Variants in GPT2 observed in about 807,000 individuals in gnomAD.
GPT2 encodes glutamic--pyruvic transaminase 2, also known as alanine aminotransferase 2.
In GPT2, 30 loss-of-function variants were observed where a neutral mutation model predicts 56.9. The observed-to-expected ratio is 0.53, with a 90% CI of 0.39 to 0.72. The LOEUF (loss-of-function observed/expected upper bound fraction) is 0.72, where lower values mean the gene tolerates loss of function less well. Among genes scored for constraint, GPT2 ranks in the 30% least tolerant of loss-of-function variants. GPT2 has a pLI of 0.00. For missense variants in GPT2, 542 were observed against 703.4 expected (o/e 0.77, Z 2.60); for synonymous variants, 271 against 283.1 (o/e 0.96, Z 0.43).
rs1328323264 is a variant in GPT2 at position 46,909,701 on chromosome 16, C to T, written c.594C>T (p.Leu198=). The T allele has an allele frequency of 8.7e-6, 14 of 1,613,676 alleles. No individual in the cohort carries two copies. The highest frequency in any genetic ancestry group is 1.7e-4 in the Middle Eastern group (1 of 6,058). The change falls in exon 6 of 12, where the codon CTC becomes CTT. Residue 198 remains leucine (L), a synonymous_variant. Transcript: ENST00000340124. ...SDGISTILKI[L]VSGGGKSRTG... ...TGTTGCAGACGATCCTGAAGATCCT[C>T]GTCTCCGGGGGCGGCAAGTCACGGA...
At chr16:46,923,768 C>T (rs1198968851) in intron 9 of GPT2, 1 of 178,280 alleles carries the variant, frequency 5.6e-6, no homozygotes, top group Non-Finnish European at 1.2e-5. Flanking sequence ...GCATGCACAC[C>T]ACACAGACAG....
chr16:46,889,656 C>T (rs146357055), intron 2 of GPT2, among the ~76,000 whole-genome samples: 87 of 152,320 alleles, frequency 5.7e-4, no homozygotes, highest in African/African-American at 1.9e-3. Flanking sequence ...TGGGCTCTGC[C>T]TTTGTGTGCT....
rs762767948 is a variant in GPT2, at chr16:46,916,629, C to T, written c.822C>T (p.Gly274=). The T allele has an allele frequency of 1.6e-5, 26 of 1,612,254 alleles. No homozygotes were observed. Among genetic ancestry groups the T allele is most frequent in the Non-Finnish European group, 2.1e-5 (25 of 1,178,462 alleles). The change falls in exon 7 of 12, where the codon GGC becomes GGT. Residue 274 remains glycine, a splice_region_variant and synonymous_variant. Coordinates refer to ENST00000340124, the MANE Select transcript of GPT2 (RefSeq NM_133443.4). ...LCIINPGNPT[G]QVQSRKCIED... is the part of the protein sequence containing the mutation. ...TTGGTTTTCTTGGGGATTTTATAGG[C>T]CAGGTACAAAGCAGAAAGTGCATAG...
chr16:46,893,130 T>C (rs1438436891), intron 2 of GPT2, among the ~76,000 whole-genome samples: 5 of 152,108 alleles, frequency 3.3e-5, no homozygotes, highest in East Asian at 1.9e-4. Flanking sequence ...TTTGTTTGTT[T>C]GTTTGTTTTT....
chr16:46,908,968 AT>A (rs1960989946), intron 5 of GPT2, among the ~76,000 whole-genome samples: 2 of 152,226 alleles, frequency 1.3e-5, no homozygotes, highest in African/African-American at 4.8e-5. Context: ...ACATCCACCA[AT>A]ACCCCAAAGG....
At chr16:46,888,405 G>A (rs1358969024) in intron 2 of GPT2, among the ~76,000 whole-genome samples, 1 of 152,202 alleles carries the variant, frequency 6.6e-6, no homozygotes, top group Non-Finnish European at 1.5e-5. Context: ...GGAGTGCAGT[G>A]ATGCGATCTC....
chr16:46,929,063 T>C lies in GPT2; in HGVS notation c.*66T>C. ...CCTCCCAATGCCCGTCAGGCTGAAC[T>C]CGCCTCCCCCGTGACTCTGCCTCGG... On this transcript the variant is annotated 3_prime_UTR_variant, in exon 12 of 12. Coordinates refer to ENST00000340124, the MANE Select transcript of GPT2 (RefSeq NM_133443.4). The C allele has an allele frequency of 1.5e-6, 2 of 1,299,248 alleles. No individual in the cohort carries two copies. The highest frequency in any genetic ancestry group is 2.2e-6 in the Non-Finnish European group (2 of 896,172). The allele number at this position is 1,299,248 out of a possible 1,614,324, so 80.5% of individuals were successfully genotyped here. A position where few individuals can be genotyped will look rare whatever the true frequency, so the allele number is the denominator to read the frequency against.
chr16:46,917,103 C>T (rs1961184765), intron 7 of GPT2, among the ~76,000 whole-genome samples: 1 of 152,162 alleles, frequency 6.6e-6, no homozygotes, highest in Non-Finnish European at 1.5e-5. Flanking sequence ...GATTCCCAGC[C>T]TAGAAAGAGG....
chr16:46,886,878 G>C (rs1018456900), intron 2 of GPT2, among the ~76,000 whole-genome samples: 1 of 152,156 alleles, frequency 6.6e-6, no homozygotes, highest in Non-Finnish European at 1.5e-5. Context: ...TCCTGAGTTA[G>C]TTGAGTTTTT....
intron 2 of GPT2, among the ~76,000 whole-genome samples, chr16:46,886,178 T>C (rs1960479745): frequency 6.6e-6 from 1 of 152,150 alleles, no homozygotes; most frequent in African/African-American, 2.4e-5. Flanking sequence ...GGAGGCTGGC[T>C]TTGTTTCTGT....
chr16:46,899,055 A>G (rs1960763553), intron 3 of GPT2, among the ~76,000 whole-genome samples: 2 of 142,408 alleles, frequency 1.4e-5, no homozygotes, highest in Non-Finnish European at 3.0e-5. Flanking sequence ...TTTTAGAGAC[A>G]GAGTCTTGCT....
intron 10 of GPT2, 70 bp downstream of exon 10, chr16:46,924,614 C>T (rs1192874380): frequency 6.5e-7 from 1 of 1,549,402 alleles, no homozygotes; most frequent in Non-Finnish European, 8.8e-7. Flanking sequence ...GGGGCCCCTG[C>T]TTATCTTGGG....
At chr16:46,913,976 A>G (rs1366561269) in intron 6 of GPT2, among the ~76,000 whole-genome samples, 2 of 152,196 alleles carry the variant, frequency 1.3e-5, no homozygotes, top group Non-Finnish European at 2.9e-5. Context: ...ATATGTACAC[A>G]CACTTAGATA....
At chr16:46,918,088 T>C (rs1450870950) in intron 7 of GPT2, among the ~76,000 whole-genome samples, 1 of 152,154 alleles carries the variant, frequency 6.6e-6, no homozygotes, top group Non-Finnish European at 1.5e-5. Context: ...AGTGCTGGAC[T>C]CGGGACTGGA....
rs770147416 is a variant in GPT2 at position 46,922,452 on chromosome 16, CG to C, written c.1212+40del. ...TGTGATGCGTCTGCACCCCTGTGGC[CG>C]GGGTCACGAGAGTTCCTGCTGGGCC... On this transcript the variant is annotated intron_variant, in intron 9 of 11. Transcript: ENST00000340124. 2.6e-6 allele frequency: 4 copies of C among 1,558,186 alleles called. No individual in the cohort carries two copies. In the African/African-American group the frequency reaches 4.1e-5, roughly 16 times the overall value.
Position 46,897,691 on chromosome 16 carries a change from G to T in GPT2, c.287G>T (p.Gly96Val). Residue 96 changes from glycine to valine, a missense_variant, in exon 3 of 12, where the codon GGG (glycine) becomes GTG (valine). By Grantham distance (109) the Gly-to-Val change is moderately radical. Transcript: ENST00000340124. The stretch of plus-strand genomic sequence containing the variant: ...ACAGAGGTCATCCGAGCCAACATCG[G>T]GGACGCCCAGGCTATGGGGCAGCAG... ...PFTEVIRANI[G>V]DAQAMGQQPI... 6.2e-7 allele frequency: 1 copy of T among 1,614,156 alleles called. No individual in the cohort carries two copies. The highest frequency in any genetic ancestry group is 1.1e-5 in the South Asian group (1 of 91,086).
rs764127159 is a variant in GPT2, at chr16:46,926,930, T to C, written c.1374T>C (p.His458=). The stretch of plus-strand genomic sequence containing the variant: ...AGCTCTGTCTGCTCCCATAGGCCCA[T>C]CAAATGGCTCCAGACATGTTCTACT... ...PAKAVEAAQA[H]QMAPDMFYCM... is the part of the protein sequence containing the mutation. The change falls in exon 11 of 12, where the codon CAT becomes CAC. Residue 458 remains histidine, a synonymous_variant. Transcript: ENST00000340124. 3.2e-6 allele frequency: 5 copies of C among 1,577,850 alleles called. No homozygotes were observed. In the South Asian group the frequency reaches 5.9e-5, roughly 19 times the overall value.
intron 4 of GPT2, 149 bp downstream of exon 4, chr16:46,900,939 C>T (rs752793216): frequency 1.6e-6 from 1 of 615,608 alleles, no homozygotes; most frequent in Non-Finnish European, 2.9e-6. Context: ...AAAATAGCGT[C>T]CTCTTCCCAC....
chr16:46,927,492 T>C (rs1961441816), intron 11 of GPT2, among the ~76,000 whole-genome samples: 2 of 152,162 alleles, frequency 1.3e-5, no homozygotes, highest in Non-Finnish European at 2.9e-5. Context: ...GGGAATTTGC[T>C]CCACTCATGC....
Sources: allele counts gnomAD v4.1 joint callset (sites outside exome capture counted in the v4.1 genomes callset), GRCh38; gene constraint gnomAD v4.1.1; transcripts MANE v1.5; gene names NCBI Gene and HGNC (gene_info 2026-07-23, HGNC 2026-07-21).